BCAS1: variants seen among roughly 807,000 people sequenced by gnomAD.
The protein encoded by BCAS1 is brain enriched myelin associated protein 1.
Under a neutral mutation model 65.4 loss-of-function variants are expected in BCAS1, and 46 were observed. The observed-to-expected ratio is 0.70, with a 90% confidence interval of 0.55 to 0.90. The LOEUF (loss-of-function observed/expected upper bound fraction) is 0.90. BCAS1 is among the 40% of genes least tolerant of loss of function. The pLI is 0.00. For missense variants in BCAS1, 793 were observed against 771.2 expected (o/e 1.03, Z -0.33); for synonymous variants, 298 against 293.5 (o/e 1.02, Z -0.16).
chr20:53,944,945 C>T lies in BCAS1; in HGVS notation c.1867G>A (p.Gly623Arg), dbSNP rs760410242. The T allele has an allele frequency of 1.1e-5, 17 of 1,613,904 alleles. No individual in the cohort carries two copies. The highest frequency in any genetic ancestry group is 8.9e-5 in the East Asian group (4 of 44,882). ...GTTTACTTGGATTTGCCAACTGGTC[C>T]GATGGATACTGGGTCTGTTTGCACT... ...AQVQTDPVSI[G>R]PVGKSK The change falls in exon 13 of 13, where the codon GGA becomes AGA. Residue 623 changes from glycine to arginine, a missense_variant. Transcript: ENST00000688948.
chr20:54,068,432 A>T lies in BCAS1; in HGVS notation c.-6+2001T>A, dbSNP rs209426. On this transcript the variant is annotated intron_variant, in intron 1 of 12. Transcript: ENST00000688948. ...GGACACAAAATATAGGAAGGCAACC[A>T]TCTCTGGTGCAGAATCGGCAGCAGA... is the stretch of plus-strand genomic sequence containing the variant. The T allele has an allele frequency of 2.1e-3, 325 of 154,486 alleles. 1 individual carries two copies. Among genetic ancestry groups the T allele is most frequent in the African/African-American group, 7.5e-3 (314 of 41,630 alleles). 9.6% of individuals were successfully genotyped at this position (154,486 alleles called of 1,614,324 possible).
At chr20:54,054,066 A>G (rs1468693763) in intron 3 of BCAS1, among the ~76,000 whole-genome samples, 4 of 152,254 alleles carry the variant, frequency 2.6e-5, no homozygotes, top group Non-Finnish European at 5.9e-5. Flanking sequence ...AGCAGGCAAG[A>G]GAGCATATGC....
At chr20:54,039,562 A>G (rs1055762774) in intron 3 of BCAS1, among the ~76,000 whole-genome samples, 1 of 151,414 alleles carries the variant, frequency 6.6e-6, no homozygotes, top group Non-Finnish European at 1.5e-5. Context: ...CTTTAATCAT[A>G]TATTTCCTGT....
rs768169375 is a variant in BCAS1 at position 53,957,452 on chromosome 20, C to T, written c.1531G>A (p.Gly511Arg). 1.2e-6 allele frequency: 2 copies of T among 1,613,976 alleles called. No homozygotes were observed. Among genetic ancestry groups the T allele is most frequent in the Admixed American group, 1.7e-5 (1 of 60,010 alleles). The stretch of plus-strand genomic sequence containing the variant: ...CTTACTTGGCAGCTGGAGTCTTTCC[C>T]ATTTATTTCTTCTGAGTGGGTGATC... ...GGITHSEEIN[G>R]KDSSCQTSDS... Residue 511 changes from glycine to arginine, a missense_variant, in exon 11 of 13, where the codon GGG (glycine) becomes AGG (arginine). Transcript: ENST00000688948.
chr20:53,946,728 GTAAA>G (rs931188596), intron 12 of BCAS1, among the ~76,000 whole-genome samples: 3 of 149,138 alleles, frequency 2.0e-5, no homozygotes, highest in Admixed American at 6.7e-5. Context: ...GTATAGTATA[GTAAA>G]TAAAGTATAG....
chr20:54,003,995 G>A (rs1029683935), intron 4 of BCAS1, among the ~76,000 whole-genome samples: 2 of 152,170 alleles, frequency 1.3e-5, no homozygotes, highest in Admixed American at 6.5e-5. Context: ...TGAGGAAGGC[G>A]ATTTTATTTT....
In BCAS1 at chr20:53,970,435, T is replaced by C. The variant is rs1337640274; in HGVS notation, c.1318-3362A>G. ...AGGATCTGATTTGCATATACAGACA[T>C]AGGAATTCAATTTTTATTTGGATAA... On this transcript the variant is annotated intron_variant, in intron 9 of 12. Coordinates refer to ENST00000688948, the MANE Select transcript of BCAS1 (RefSeq NM_001366298.2). Among the ~76,000 whole-genome samples the C allele has an allele frequency of 2.0e-5, 3 of 152,344 alleles. No individual in the cohort carries two copies. In the East Asian group the frequency reaches 5.8e-4, roughly 29 times the overall value.
At chr20:54,035,121 T>C (rs2091874697) in intron 3 of BCAS1, among the ~76,000 whole-genome samples, 1 of 150,970 alleles carries the variant, frequency 6.6e-6, no homozygotes, top group Admixed American at 6.6e-5. Flanking sequence ...TTACAACATA[T>C]ACAAAAATCG....
chr20:54,039,354 C>T lies in BCAS1; in HGVS notation c.143-10382G>A, dbSNP rs7360394. 8.7e-4 allele frequency among the ~76,000 whole-genome samples: 132 copies of T among 151,528 alleles called. 2 individuals are homozygous for T. Among genetic ancestry groups the T allele is most frequent in the African/African-American group, 3.0e-3 (126 of 41,482 alleles). The stretch of plus-strand genomic sequence containing the variant: ...AAAAGAAAAGGATGGGATTTTGGAA[C>T]ATCATGGTAGAATTCTTGACTATCA... On this transcript the variant is annotated intron_variant, in intron 3 of 12. Transcript: ENST00000688948.
rs543502424 is a variant in BCAS1, at chr20:54,064,626, C to T, written c.-6+5807G>A. ...ACCGGAGGTGGGTGGAGGCTGCCCT[C>T]CGCAGTCTCGCTCTCCTGCATCTCT... On this transcript the variant is annotated intron_variant, in intron 1 of 12. Transcript: ENST00000688948. Among the ~76,000 whole-genome samples, 6 of 152,318 alleles carry T rather than the reference C, an allele frequency of 3.9e-5. No individual in the cohort carries two copies. The South Asian group carries it at 8.3e-4, about 21-fold the overall frequency.
At chr20:53,975,361 T>A (rs1303295522) in intron 9 of BCAS1, 28 bp downstream of exon 9, 1 of 1,602,508 alleles carries the variant, frequency 6.2e-7, no homozygotes, top group African/African-American at 1.3e-5. Flanking sequence ...GAGAATGGAA[T>A]GATTCTGCCG....
chr20:54,026,109 C>G (rs2091667283), intron 4 of BCAS1, among the ~76,000 whole-genome samples: 1 of 152,214 alleles, frequency 6.6e-6, no homozygotes, highest in Non-Finnish European at 1.5e-5. Context: ...AAATCAGATG[C>G]AGACTTCACT....
At chr20:53,973,867 A>G (rs2090250514) in intron 9 of BCAS1, among the ~76,000 whole-genome samples, 1 of 152,216 alleles carries the variant, frequency 6.6e-6, no homozygotes, top group Admixed American at 6.5e-5. Context: ...TGAGAGGTGA[A>G]GCCAGCTGGA....
intron 8 of BCAS1, among the ~76,000 whole-genome samples, chr20:53,977,736 A>G (rs1189168201): frequency 6.6e-6 from 1 of 152,222 alleles, no homozygotes; most frequent in East Asian, 1.9e-4. Context: ...TAAGTCTGGC[A>G]TTATAAATAT....
At chr20:53,985,530 A>T (rs143761949) in intron 7 of BCAS1, 31 bp from the exon 8 acceptor site, 52 of 1,597,306 alleles carry the variant, frequency 3.3e-5, no homozygotes, top group Non-Finnish European at 4.5e-5. Flanking sequence ...GAGGGAAAAC[A>T]TTCAAAATGG....
chr20:53,985,090 C>T (rs538308024), intron 8 of BCAS1, among the ~76,000 whole-genome samples, 197 bp downstream of exon 8: 7 of 152,278 alleles, frequency 4.6e-5, no homozygotes, highest in South Asian at 4.2e-4. Flanking sequence ...CCACGAAACA[C>T]ATGTTTATAA....
chr20:53,966,752 A>C (rs559735326), intron 10 of BCAS1, among the ~76,000 whole-genome samples, 154 bp downstream of exon 10: 1 of 152,222 alleles, frequency 6.6e-6, no homozygotes, highest in Non-Finnish European at 1.5e-5. Flanking sequence ...CAGAAGGAAG[A>C]AAGGGAATTT....
At chr20:54,005,186 T>A (rs1272190739) in intron 4 of BCAS1, among the ~76,000 whole-genome samples, 1 of 152,216 alleles carries the variant, frequency 6.6e-6, no homozygotes, top group East Asian at 1.9e-4. Flanking sequence ...CTAAGCACAG[T>A]GGCTCACATC....
intron 4 of BCAS1, among the ~76,000 whole-genome samples, chr20:54,009,555 T>C (rs535418108): frequency 1.0e-3 from 158 of 152,264 alleles, no homozygotes; most frequent in African/African-American, 3.5e-3. Context: ...CATATAACTA[T>C]TAAGAAAATT....
Sources: allele counts gnomAD v4.1 joint callset (sites outside exome capture counted in the v4.1 genomes callset), GRCh38; gene constraint gnomAD v4.1.1; transcripts MANE v1.5; gene names NCBI Gene and HGNC (gene_info 2026-07-23, HGNC 2026-07-21).